RTRAF: variants seen among roughly 807,000 people sequenced by gnomAD.
RTRAF encodes RNA transcription, translation and transport factor.
RTRAF carries 14 observed loss-of-function variants against 34.4 expected under a neutral mutation model. That is an observed-to-expected ratio of 0.41 (90% CI 0.27 to 0.64). RTRAF has a LOEUF of 0.64. RTRAF is among the 30% of genes least tolerant of loss of function. The pLI, the probability that RTRAF is intolerant of heterozygous loss-of-function variation, is 0.34. For synonymous variants in RTRAF, 96 were observed against 95.3 expected (o/e 1.01, Z -0.04); for missense variants, 291 against 288.4 (o/e 1.01, Z -0.06).
In RTRAF at chr14:52,006,288, C is replaced by G. The variant is rs1391077309; in HGVS notation, c.*1772C>G. On this transcript the variant is annotated 3_prime_UTR_variant, in exon 8 of 8. Coordinates refer to ENST00000261700, the MANE Select transcript of RTRAF (RefSeq NM_016039.3). Reference sequence around the variant, plus strand: ...TCCCTTTTGAGACATTATCCAATAGCTTTGCTACTTTTTAAGCTATATGTG... The same window carrying G: ...TCCCTTTTGAGACATTATCCAATAGGTTTGCTACTTTTTAAGCTATATGTG... The G allele has an allele frequency of 2.2e-6, 1 of 450,472 alleles. No individual in the cohort carries two copies. Among genetic ancestry groups the G allele is most frequent in the Non-Finnish European group, 4.0e-6 (1 of 247,774 alleles). The allele number at this position is 450,472 out of a possible 1,614,324, so 27.9% of individuals were successfully genotyped here. A position where few individuals can be genotyped will look rare whatever the true frequency, so the allele number is the denominator to read the frequency against.
intron 6 of RTRAF, chr14:52,003,942 T>C: frequency 2.1e-6 from 1 of 486,882 alleles, no homozygotes; most frequent in African/African-American, 2.0e-5. Context: ...ATGCCTGGGC[T>C]AAAGGATTGG....
rs982969622 is a variant in RTRAF at position 51,998,650 on chromosome 14, A to G, written c.373+70A>G. The G allele has an allele frequency of 3.0e-6, 3 of 998,714 alleles. No individual in the cohort carries two copies. In the Admixed American group the frequency reaches 7.2e-5, roughly 24 times the overall value. 61.9% of individuals were successfully genotyped at this position (998,714 alleles called of 1,614,324 possible). On this transcript the variant is annotated intron_variant, in intron 4 of 7. Coordinates refer to ENST00000261700, the MANE Select transcript of RTRAF (RefSeq NM_016039.3). ...TTTTAAATGTTTTTTTCTTTGAAGA[A>G]TGAAGTCCAGGTTTACTTGGTTTTA...
chr14:52,004,013 T>G, intron 6 of RTRAF, 181 bp from the exon 7 acceptor site: 1 of 614,332 alleles, frequency 1.6e-6, no homozygotes, highest in East Asian at 2.7e-5. Flanking sequence ...CCGGTTGAAA[T>G]AGGGAAAACT....
intron 5 of RTRAF, among the ~76,000 whole-genome samples, chr14:52,000,143 T>G (rs1890578493): frequency 6.6e-6 from 1 of 152,274 alleles, no homozygotes; most frequent in South Asian, 2.1e-4. Context: ...TTAAGCACTA[T>G]AACCCTGTGG....
chr14:51,997,535 A>G (rs1387682315), intron 3 of RTRAF, among the ~76,000 whole-genome samples: 1 of 151,920 alleles, frequency 6.6e-6, no homozygotes, highest in African/African-American at 2.4e-5. Context: ...TCCCATAAGC[A>G]CTGTATAGCC....
Position 51,991,343 on chromosome 14 carries a change from G to A in RTRAF, c.88G>A (p.Val30Ile), listed in dbSNP as rs767770402. 4 of 1,613,214 alleles carry A rather than the reference G, an allele frequency of 2.5e-6. No individual in the cohort carries two copies. In the African/African-American group the frequency reaches 4.0e-5, roughly 16 times the overall value. ...KDETEFRNFI[V>I]WLEDQKIRHY... ...TGAAACAGAATTTAGAAACTTCATC[G>A]TTTGGCTTGAAGACCAGAAAATCAG... Residue 30 changes from valine to isoleucine, a missense_variant, in exon 2 of 8, where the codon GTT (valine) becomes ATT (isoleucine). Val to Ile is a conservative substitution (Grantham distance 29, BLOSUM62 3). Transcript: ENST00000261700.
chr14:52,005,211 T>TTC lies in RTRAF; in HGVS notation c.*695_*696insTC, dbSNP rs1890715781. On this transcript the variant is annotated 3_prime_UTR_variant, in exon 8 of 8. Coordinates refer to ENST00000261700, the MANE Select transcript of RTRAF (RefSeq NM_016039.3). Reference sequence around the variant, plus strand: ...AATTTGATCTTTTAAATATTAATGATAAATGTTTACAAGAAGTTGCTTTAA... The same window carrying TTC: ...AATTTGATCTTTTAAATATTAATGATTCAAATGTTTACAAGAAGTTGCTTTAA... 6.1e-6 allele frequency: 2 copies of TTC among 329,778 alleles called. No homozygotes were observed. The highest frequency in any genetic ancestry group is 1.1e-5 in the Non-Finnish European group (2 of 182,290). 20.4% of individuals were successfully genotyped at this position (329,778 alleles called of 1,614,324 possible).
Position 51,993,728 on chromosome 14 carries a change from C to T in RTRAF, c.192C>T (p.Leu64=). Reference sequence around the variant, plus strand: ...TCTTTTCTTCCCCCTCACAGTATCTCAGAGATGTTAACTGTCCTTTCAAGA... The same window carrying T: ...TCTTTTCTTCCCCCTCACAGTATCTTAGAGATGTTAACTGTCCTTTCAAGA... ...SDWPKFFEKY[L]RDVNCPFKIQ... Residue 64 remains leucine, a synonymous_variant, in exon 3 of 8, where the codon CTC becomes CTT. Coordinates refer to ENST00000261700, the MANE Select transcript of RTRAF (RefSeq NM_016039.3). 6.3e-7 allele frequency: 1 copy of T among 1,583,074 alleles called. No individual in the cohort carries two copies. The highest frequency in any genetic ancestry group is 8.6e-7 in the Non-Finnish European group (1 of 1,158,830).
chr14:52,004,450 A>G lies in RTRAF; in HGVS notation c.669A>G (p.Ile223Met), dbSNP rs1449811275. ...RELQTKINEAIVAVQAIIADP... is the reference protein window; with the variant it reads ...RELQTKINEAMVAVQAIIADP... ...TACAGACAAAAATCAACGAAGCCAT[A>G]GTAGCTGTTCAGGCAATTATTGCTG... is the stretch of plus-strand genomic sequence containing the variant. Residue 223 changes from isoleucine to methionine, a missense_variant, in exon 8 of 8, where the codon ATA becomes ATG. Physicochemically the swap from Ile to Met is conservative, Grantham distance 10 (BLOSUM62 1). Coordinates refer to ENST00000261700, the MANE Select transcript of RTRAF (RefSeq NM_016039.3). 2.5e-6 allele frequency: 4 copies of G among 1,613,944 alleles called. No homozygotes were observed. In the African/African-American group the frequency reaches 4.0e-5, roughly 16 times the overall value.
chr14:51,991,501 G>T (rs1255069140), intron 2 of RTRAF, 60 bp downstream of exon 2: 14 of 1,521,918 alleles, frequency 9.2e-6, no homozygotes, highest in Non-Finnish European at 1.2e-5. Flanking sequence ...TCATGAAGAT[G>T]AGCTTAAAAT....
chr14:52,004,333 T>C, intron 7 of RTRAF, 29 bp from the exon 8 acceptor site: 1 of 1,611,302 alleles, frequency 6.2e-7, no homozygotes, highest in Non-Finnish European at 8.5e-7. Context: ...AATTATGTAT[T>C]GAAGCAGTGT....
chr14:51,998,276 A>G (rs558477289), intron 3 of RTRAF: 1 of 405,330 alleles, frequency 2.5e-6, no homozygotes, highest in East Asian at 4.0e-5. Flanking sequence ...ATAAAAATGA[A>G]TTTTGTGTTT....
At position 51,989,592 on chromosome 14, in the gene RTRAF, C is replaced by T; in HGVS notation, c.-48C>T. The T allele has an allele frequency of 1.3e-6, 2 of 1,557,042 alleles. No homozygotes were observed. The highest frequency in any genetic ancestry group is 8.7e-7 in the Non-Finnish European group (1 of 1,150,694). ...CTGCGCCTCCCGCTCCACCTCGCTT[C>T]TTCTCTCCCGGCCGAGGCCCGGGGG... is the stretch of plus-strand genomic sequence containing the variant. On this transcript the variant is annotated 5_prime_UTR_variant, in exon 1 of 8. Transcript: ENST00000261700.
Position 52,008,097 on chromosome 14 carries a change from G to A in RTRAF, c.*3581G>A. The A allele has an allele frequency of 1.5e-6, 1 of 668,210 alleles. No individual in the cohort carries two copies. Among genetic ancestry groups the A allele is most frequent in the Non-Finnish European group, 2.5e-6 (1 of 403,548 alleles). The allele number at this position is 668,210 out of a possible 1,614,324, so 41.4% of individuals were successfully genotyped here. A position where few individuals can be genotyped will look rare whatever the true frequency, so the allele number is the denominator to read the frequency against. On this transcript the variant is annotated 3_prime_UTR_variant, in exon 8 of 8. Transcript: ENST00000261700. ...TAAGCAATCCCCTTGAGTTTGGGCT[G>A]CATTAGTAGTGTCTTGCTTCTTCTA...
intron 3 of RTRAF, among the ~76,000 whole-genome samples, chr14:51,994,359 T>G (rs919726578): frequency 3.9e-5 from 6 of 152,246 alleles, no homozygotes; most frequent in Non-Finnish European, 8.8e-5. Context: ...CCTGCCAACA[T>G]CTAAATGCAA....
Position 52,005,821 on chromosome 14 carries a change from T to G in RTRAF, c.*1305T>G, listed in dbSNP as rs1488541485. 1 of 1,613,064 alleles carries G rather than the reference T, an allele frequency of 6.2e-7. No individual in the cohort carries two copies. Among genetic ancestry groups the G allele is most frequent in the East Asian group, 2.2e-5 (1 of 44,886 alleles). Reference sequence around the variant, plus strand: ...AGATACTCATCAGTAAACTGGCCACTATGTTTATTTACTGATACAACACCA... The same window carrying G: ...AGATACTCATCAGTAAACTGGCCACGATGTTTATTTACTGATACAACACCA... On this transcript the variant is annotated 3_prime_UTR_variant, in exon 8 of 8. Transcript: ENST00000261700.
At position 52,004,566 on chromosome 14, in the gene RTRAF, A is replaced by ACACTTCTGGCAT; in HGVS notation, c.*51_*62dup. The ACACTTCTGGCAT allele has an allele frequency of 7.8e-6, 12 of 1,539,416 alleles. No individual in the cohort carries two copies. Among genetic ancestry groups the ACACTTCTGGCAT allele is most frequent in the Non-Finnish European group, 1.1e-5 (12 of 1,136,938 alleles). ...CCTACTTAGTACAGTTGGGAACCAT[A>ACACTTCTGGCAT]CACTTCTGGCATGTTTGGAAATCAA... is the stretch of plus-strand genomic sequence containing the variant. On this transcript the variant is annotated 3_prime_UTR_variant, in exon 8 of 8. Coordinates refer to ENST00000261700, the MANE Select transcript of RTRAF (RefSeq NM_016039.3).
At chr14:52,003,209 C>T (rs1482753664) in intron 6 of RTRAF, among the ~76,000 whole-genome samples, 3 of 151,998 alleles carry the variant, frequency 2.0e-5, no homozygotes, top group Non-Finnish European at 4.4e-5. Flanking sequence ...GCATTTATAA[C>T]TACTATTTGA....
In RTRAF at chr14:52,007,820, C is replaced by A; in HGVS notation, c.*3304C>A. ...CATCAGTAGTATTACCTGCATCTGC[C>A]CAGCAGAGCAGTTTAGAGAAAGGGT... On this transcript the variant is annotated 3_prime_UTR_variant, in exon 8 of 8. Transcript: ENST00000261700. 1.2e-6 allele frequency: 2 copies of A among 1,613,664 alleles called. No homozygotes were observed. Among genetic ancestry groups the A allele is most frequent in the Non-Finnish European group, 1.7e-6 (2 of 1,179,818 alleles).
Sources: allele counts gnomAD v4.1 joint callset (sites outside exome capture counted in the v4.1 genomes callset), GRCh38; gene constraint gnomAD v4.1.1; transcripts MANE v1.5; gene names NCBI Gene and HGNC (gene_info 2026-07-23, HGNC 2026-07-21).